RNF24: variants seen among roughly 807,000 people sequenced by gnomAD.
The protein encoded by RNF24 is ring finger protein 24.
In RNF24, 14 loss-of-function variants were observed where a neutral mutation model predicts 20.0. The ratio of observed to expected loss-of-function variants is 0.70; its 90% CI spans 0.46 to 1.10. The LOEUF (loss-of-function observed/expected upper bound fraction) is 1.10. RNF24 is among the 50% of genes least tolerant of loss of function. The pLI is 0.00. For missense variants in RNF24, 124 were observed against 177.6 expected, an observed-to-expected ratio of 0.70 and a Z score of 1.71; for synonymous variants, 45 against 61.1, an observed-to-expected ratio of 0.74 and a Z score of 1.23.
Position 3,932,954 on chromosome 20 carries a change from C to G in RNF24, c.*1109G>C, listed in dbSNP as rs2090842090. On this transcript the variant is annotated 3_prime_UTR_variant, in exon 6 of 6. Coordinates refer to ENST00000358395, the MANE Select transcript of RNF24 (RefSeq NM_001134337.3). ...TACTGAGGCACACACCAACGGTGGA[C>G]AGCCCTGCAGGAGCTTCCTGAAACT... 2.5e-6 allele frequency: 1 copy of G among 398,244 alleles called. No individual in the cohort carries two copies. The highest frequency in any genetic ancestry group is 4.4e-6 in the Non-Finnish European group (1 of 226,054). The allele number at this position is 398,244 out of a possible 1,614,324, so 24.7% of individuals were successfully genotyped here.
intron 1 of RNF24, among the ~76,000 whole-genome samples, chr20:4,012,849 T>G (rs550410654): frequency 2.0e-5 from 3 of 152,292 alleles, no homozygotes; most frequent in African/African-American, 7.2e-5. Flanking sequence ...CAAGCTTATT[T>G]CAGTGATAAT....
In RNF24 at chr20:3,934,021, C is replaced by T; in HGVS notation, c.*42G>A. On this transcript the variant is annotated 3_prime_UTR_variant, in exon 6 of 6. Coordinates refer to ENST00000358395, the MANE Select transcript of RNF24 (RefSeq NM_001134337.3). The surrounding 1 kb of genome is among the most constrained non-coding windows in gnomAD (Gnocchi z 4.0). ...ACCACATGTGTTCCTCCTGGCTCCA[C>T]ACAGACGTCGTGTCCAGCAACAGTC... The T allele has an allele frequency of 2.1e-6, 3 of 1,419,696 alleles. No homozygotes were observed. The highest frequency in any genetic ancestry group is 2.8e-6 in the Non-Finnish European group (3 of 1,081,508). The allele number at this position is 1,419,696 out of a possible 1,614,324, so 87.9% of individuals were successfully genotyped here. A position where few individuals can be genotyped will look rare whatever the true frequency, so the allele number is the denominator to read the frequency against.
chr20:3,954,979 C>A (rs1057022246), intron 2 of RNF24, among the ~76,000 whole-genome samples: 5 of 151,822 alleles, frequency 3.3e-5, no homozygotes, highest in Non-Finnish European at 5.9e-5. Flanking sequence ...TTTCTACCAG[C>A]AATATATGCA....
chr20:3,980,879 C>T (rs1205467066), intron 1 of RNF24, among the ~76,000 whole-genome samples: 1 of 151,674 alleles, frequency 6.6e-6, no homozygotes, highest in Admixed American at 6.6e-5. Context: ...TAACCCTGGG[C>T]TCCATTCTTA....
chr20:3,993,788 C>T (rs1032203479), intron 1 of RNF24, among the ~76,000 whole-genome samples: 1 of 152,162 alleles, frequency 6.6e-6, no homozygotes, highest in African/African-American at 2.4e-5. Flanking sequence ...GAAAGGCCCA[C>T]ACCATAATTT....
intron 4 of RNF24, among the ~76,000 whole-genome samples, chr20:3,943,113 G>A (rs2090977189): frequency 6.6e-6 from 1 of 152,162 alleles, no homozygotes; most frequent in African/African-American, 2.4e-5. Flanking sequence ...ACCCAGCCCG[G>A]CGAGAGACCT....
At chr20:3,960,820 A>C (rs894505472) in intron 2 of RNF24, among the ~76,000 whole-genome samples, 6 of 152,054 alleles carry the variant, frequency 3.9e-5, no homozygotes, top group Non-Finnish European at 7.4e-5. Context: ...TAAATTTTTT[A>C]ATTTTTATTT....
intron 1 of RNF24, among the ~76,000 whole-genome samples, chr20:3,966,308 C>T (rs999543569): frequency 6.6e-6 from 1 of 152,104 alleles, no homozygotes; most frequent in African/African-American, 2.4e-5. Flanking sequence ...AATGTCAGAG[C>T]TTGGCCCATC....
rs34868373 is a variant in RNF24, at chr20:3,982,103, G to GTCTCTCTCTCTCTCTCTCTCTCTCTC, written c.-7-18105_-7-18080dup. Among the ~76,000 whole-genome samples, 183 of 137,076 alleles carry GTCTCTCTCTCTCTCTCTCTCTCTCTC rather than the reference G, an allele frequency of 1.3e-3. 1 individual carries two copies. The highest frequency in any genetic ancestry group is 1.8e-3 in the Non-Finnish European group (114 of 64,112). 89.9% of individuals were successfully genotyped at this position (137,076 alleles called of 152,430 possible). On this transcript the variant is annotated intron_variant, in intron 1 of 5. Coordinates refer to ENST00000358395, the MANE Select transcript of RNF24 (RefSeq NM_001134337.3). ...AGCCTGGGCAACAGGGTGAGACCTC[G>GTCTCTCTCTCTCTCTCTCTCTCTCTC]TCTCTCTCTCTCTCTCTCTCTCTCT...
chr20:3,972,594 T>C (rs1978444427), intron 1 of RNF24, among the ~76,000 whole-genome samples: 1 of 152,130 alleles, frequency 6.6e-6, no homozygotes, highest in Non-Finnish European at 1.5e-5. Context: ...AAAAATACAC[T>C]GAATTGATTG....
intron 2 of RNF24, among the ~76,000 whole-genome samples, chr20:3,961,441 CATT>C (rs946166724): frequency 6.6e-6 from 1 of 150,556 alleles, no homozygotes; most frequent in Admixed American, 6.6e-5. Context: ...AAGTACATAT[CATT>C]ATTTTTTCAT....
At chr20:3,964,812 C>T (rs1452813128) in intron 1 of RNF24, among the ~76,000 whole-genome samples, 1 of 152,054 alleles carries the variant, frequency 6.6e-6, no homozygotes, top group African/African-American at 2.4e-5. Flanking sequence ...GCCACTGTGC[C>T]CGGCCAATTT....
chr20:4,006,391 T>C (rs1309417017), intron 1 of RNF24, among the ~76,000 whole-genome samples: 1 of 149,130 alleles, frequency 6.7e-6, no homozygotes, highest in Non-Finnish European at 1.5e-5. Flanking sequence ...AAGTCTATGG[T>C]TTACACAGGA....
intron 1 of RNF24, among the ~76,000 whole-genome samples, chr20:3,991,402 G>A (rs1980429694): frequency 6.6e-6 from 1 of 151,942 alleles, no homozygotes; most frequent in South Asian, 2.1e-4. Context: ...ACAGGCATGT[G>A]CCACCATGCC....
intron 1 of RNF24, among the ~76,000 whole-genome samples, chr20:4,002,439 G>A (rs1981489409): frequency 6.6e-6 from 1 of 151,948 alleles, no homozygotes; most frequent in South Asian, 2.1e-4. Context: ...AGCAAAGAAA[G>A]GTAAAAGATA....
chr20:3,996,009 T>A (rs1294102815), intron 1 of RNF24, among the ~76,000 whole-genome samples: 2 of 152,228 alleles, frequency 1.3e-5, no homozygotes, highest in African/African-American at 2.4e-5. Context: ...ATTCTGGTTT[T>A]ATAGATGGAT....
Position 3,948,286 on chromosome 20 carries a change from GAC to G in RNF24, c.144-9_144-8del. 1 of 1,570,840 alleles carries G rather than the reference GAC, an allele frequency of 6.4e-7. No individual in the cohort carries two copies. Among genetic ancestry groups the G allele is most frequent in the Non-Finnish European group, 8.6e-7 (1 of 1,158,940 alleles). ...GTGTGCTTGATGTCTTAGCCTAAAA[GAC>G]AGAAATTAGTAATGCAATATTGAGA... is the stretch of plus-strand genomic sequence containing the variant. On this transcript the variant is annotated splice_polypyrimidine_tract_variant and splice_region_variant and intron_variant, in intron 2 of 5. Coordinates refer to ENST00000358395, the MANE Select transcript of RNF24 (RefSeq NM_001134337.3).
intron 1 of RNF24, among the ~76,000 whole-genome samples, chr20:3,977,695 G>C (rs917746359): frequency 4.6e-5 from 7 of 151,562 alleles, no homozygotes; most frequent in Non-Finnish European, 1.0e-4. Flanking sequence ...GAAACCCCGT[G>C]TCTACTAAAA....
intron 1 of RNF24, among the ~76,000 whole-genome samples, chr20:3,995,136 C>A (rs1483898967): frequency 6.6e-6 from 1 of 152,180 alleles, no homozygotes; most frequent in Non-Finnish European, 1.5e-5. Context: ...CGCCCCACCA[C>A]GGGGACTTGT....
Sources: gnomAD v4.1 joint callset for allele counts (sites outside exome capture counted in the v4.1 genomes callset) on GRCh38, gnomAD v4.1.1 for gene constraint, Gnocchi (gnomAD v3.1) non-coding constraint, MANE v1.5 for transcripts, NCBI Gene and HGNC (gene_info 2026-07-23, HGNC 2026-07-21) for gene names.